NBAS: variants seen among roughly 807,000 people sequenced by gnomAD.
NBAS encodes NAG/BC035112 fusion.
Under a neutral mutation model 302.5 loss-of-function variants are expected in NBAS, and 219 were observed. The observed-to-expected ratio is 0.72, with a 90% CI of 0.65 to 0.81. NBAS has a LOEUF of 0.81. Among genes scored for constraint, NBAS ranks in the 30% least tolerant of loss-of-function variants. The pLI, the probability that NBAS is intolerant of heterozygous loss-of-function variation, is 0.00. For synonymous variants in NBAS, 1,118 were observed against 1,021.6 expected (o/e 1.09, Z -1.80); for missense variants, 2,932 against 2,841.6 (o/e 1.03, Z -0.72).
chr2:14,946,427 T>C, the NBAS span, among the ~76,000 whole-genome samples: 2 of 151,806 alleles, frequency 1.3e-5, no homozygotes, highest in African/African-American at 4.8e-5. Context: ...AATCAAAGAC[T>C]GTAAAAAGAG....
At chr2:15,040,490 G>T in the NBAS span, among the ~76,000 whole-genome samples, 3 of 152,266 alleles carry the variant, frequency 2.0e-5, no homozygotes, top group South Asian at 6.2e-4. Context: ...AACATTCAGG[G>T]CTCCGGAAGA....
intron 10 of NBAS, among the ~76,000 whole-genome samples, chr2:15,507,204 G>A (rs1661899919): frequency 6.6e-6 from 1 of 152,192 alleles, no homozygotes; most frequent in Non-Finnish European, 1.5e-5. Context: ...ACAGGGCTTG[G>A]CCTTAGCCTG....
At chr2:15,011,262 G>T in the NBAS span, among the ~76,000 whole-genome samples, 1 of 152,080 alleles carries the variant, frequency 6.6e-6, no homozygotes, top group African/African-American at 2.4e-5. Context: ...AAGTGCTGGG[G>T]CTTTGAACTC....
chr2:15,356,461 C>T (rs1489965857), intron 32 of NBAS, 45 bp from the exon 33 acceptor site: 1 of 1,289,276 alleles, frequency 7.8e-7, no homozygotes, highest in Non-Finnish European at 1.1e-6. Flanking sequence ...CAAGCAACGT[C>T]AATTGATAGA....
intron 44 of NBAS, among the ~76,000 whole-genome samples, chr2:15,257,080 G>C (rs1668632260): frequency 6.6e-6 from 1 of 152,264 alleles, no homozygotes; most frequent in Non-Finnish European, 1.5e-5. Flanking sequence ...ATTTAGGAAA[G>C]ATTCCCTCTT....
the NBAS span, among the ~76,000 whole-genome samples, chr2:15,000,624 A>G: frequency 6.6e-6 from 1 of 152,218 alleles, no homozygotes; most frequent in East Asian, 1.9e-4. Flanking sequence ...ATATGACTGT[A>G]ATGAATGCTT....
chr2:15,216,097 C>T (rs1030967693), intron 48 of NBAS, among the ~76,000 whole-genome samples: 1 of 152,136 alleles, frequency 6.6e-6, no homozygotes, highest in Admixed American at 6.5e-5. Context: ...AGATTTCAAT[C>T]AGTAATGCCA....
intron 9 of NBAS, among the ~76,000 whole-genome samples, chr2:15,521,552 T>C (rs1400783764): frequency 6.6e-6 from 1 of 152,200 alleles, no homozygotes; most frequent in Non-Finnish European, 1.5e-5. Context: ...GGAACTTACA[T>C]TCTAGTGTAT....
the NBAS span, among the ~76,000 whole-genome samples, chr2:14,868,616 C>T: frequency 6.6e-6 from 1 of 152,158 alleles, no homozygotes; most frequent in Non-Finnish European, 1.5e-5. Context: ...CAGCCCAAGA[C>T]TCAGAACCTT....
intron 35 of NBAS, 80 bp downstream of exon 35, chr2:15,351,904 AAAACCCCT>A: frequency 1.1e-6 from 1 of 903,540 alleles, no homozygotes; most frequent in African/African-American, 1.7e-5. Context: ...ACACACACAC[AAAACCCCT>A]CTCATCCACA....
At chr2:14,933,410 A>C in the NBAS span, among the ~76,000 whole-genome samples, 1 of 152,236 alleles carries the variant, frequency 6.6e-6, no homozygotes, top group African/African-American at 2.4e-5. Context: ...GAAAAAGCAC[A>C]CAACCTAAAC....
At chr2:15,495,135 T>C (rs535580755) in intron 11 of NBAS, among the ~76,000 whole-genome samples, 122 of 152,304 alleles carry the variant, frequency 8.0e-4, no homozygotes, top group African/African-American at 2.9e-3. Flanking sequence ...GGGGAAGTTA[T>C]GCACACTCCA....
At chr2:15,551,692 A>G (rs1392148562) in intron 5 of NBAS, among the ~76,000 whole-genome samples, 156 bp from the exon 6 acceptor site, 1 of 152,202 alleles carries the variant, frequency 6.6e-6, no homozygotes, top group Non-Finnish European at 1.5e-5. Flanking sequence ...CCCTTTTGTC[A>G]GTGACAATAT....
the NBAS span, among the ~76,000 whole-genome samples, chr2:14,874,429 A>G: frequency 6.7e-6 from 1 of 149,872 alleles, no homozygotes; most frequent in African/African-American, 2.5e-5. Context: ...GATTGAGACT[A>G]TCCTGTCTAA....
Position 15,541,839 on chromosome 2 carries a change from G to A in NBAS, c.380-2483C>T, listed in dbSNP as rs1194743745. On this transcript the variant is annotated intron_variant, in intron 6 of 51. Transcript: ENST00000281513. ...AGCCCCCCGCCCGGCCAGCCGCCCC[G>A]TCCGGGAGGGAGGTGGGGGGGTTCA... Among the ~76,000 whole-genome samples, 9 of 67,568 alleles carry A rather than the reference G, an allele frequency of 1.3e-4. 1 individual carries two copies. The highest frequency in any genetic ancestry group is 3.8e-4 in the African/African-American group (7 of 18,232). The allele number at this position is 67,568 out of a possible 152,430, so 44.3% of individuals were successfully genotyped here.
At chr2:15,224,171 C>T (rs1490501576) in intron 47 of NBAS, among the ~76,000 whole-genome samples, 1 of 152,154 alleles carries the variant, frequency 6.6e-6, no homozygotes, top group African/African-American at 2.4e-5. Flanking sequence ...GTTCATCTGG[C>T]ATTTCCCTAT....
chr2:15,551,649 C>T, intron 5 of NBAS, 113 bp from the exon 6 acceptor site: 2 of 696,634 alleles, frequency 2.9e-6, no homozygotes, highest in South Asian at 4.1e-5. Flanking sequence ...AATCATATCT[C>T]CTCTCAGACA....
At chr2:14,905,907 G>A in the NBAS span, among the ~76,000 whole-genome samples, 5 of 152,138 alleles carry the variant, frequency 3.3e-5, no homozygotes, top group Admixed American at 2.0e-4. Flanking sequence ...AACTCTCAGC[G>A]CACTTTCTTT....
At chr2:15,366,101 C>T (rs1558274722) in intron 32 of NBAS, among the ~76,000 whole-genome samples, 2 of 152,046 alleles carry the variant, frequency 1.3e-5, no homozygotes, top group African/African-American at 2.4e-5. Context: ...ACATGAAAAC[C>T]CCACCAAATA....
Sources: allele counts gnomAD v4.1 joint callset (sites outside exome capture counted in the v4.1 genomes callset), GRCh38; gene constraint gnomAD v4.1.1; transcripts MANE v1.5; gene names NCBI Gene and HGNC (gene_info 2026-07-23, HGNC 2026-07-21).